B3GALT1: variants seen among roughly 807,000 people sequenced by gnomAD.
The protein encoded by B3GALT1 is beta-1,3-galactosyltransferase 1.
A neutral mutation model predicts 23.2 loss-of-function variants in B3GALT1; 10 were observed. The ratio of observed to expected loss-of-function variants is 0.43; its 90% confidence interval spans 0.27 to 0.73. The LOEUF is 0.73. B3GALT1 is among the 30% of genes least tolerant of loss of function. B3GALT1 has a pLI of 0.21. For synonymous variants in B3GALT1, 156 were observed against 141.5 expected, an observed-to-expected ratio of 1.10 and a Z score of -0.73; for missense variants, 299 against 405.4, an observed-to-expected ratio of 0.74 and a Z score of 2.25.
intron 1 of B3GALT1, among the ~76,000 whole-genome samples, chr2:167,444,261 T>A (rs377727830): frequency 1.1e-4 from 17 of 152,290 alleles, no homozygotes; most frequent in Admixed American, 1.1e-3. Context: ...CTGCTGGATT[T>A]GGTTTGCCAC....
chr2:167,705,942 AT>A (rs1379609103), intron 3 of B3GALT1, among the ~76,000 whole-genome samples: 1 of 152,180 alleles, frequency 6.6e-6, no homozygotes, highest in Non-Finnish European at 1.5e-5. Context: ...CACTTTCATC[AT>A]TGCAGAAATT....
At chr2:167,432,260 A>T (rs1698717637) in intron 1 of B3GALT1, among the ~76,000 whole-genome samples, 1 of 152,200 alleles carries the variant, frequency 6.6e-6, no homozygotes, top group Non-Finnish European at 1.5e-5. Context: ...TCCAAGATGA[A>T]ATAGAATTGG....
At chr2:167,395,795 T>A in intron 1 of B3GALT1, among the ~76,000 whole-genome samples, 1 of 152,048 alleles carries the variant, frequency 6.6e-6, no homozygotes, top group East Asian at 1.9e-4. Context: ...GAAAAAAAAA[T>A]CAAATACAAA....
chr2:167,812,985 C>A (rs1440819662), intron 3 of B3GALT1, among the ~76,000 whole-genome samples: 1 of 103,244 alleles, frequency 9.7e-6, no homozygotes, highest in Non-Finnish European at 1.7e-5. Context: ...ACACGCACCA[C>A]CACCACCCCC....
At chr2:167,425,270 C>T (rs972352134) in intron 1 of B3GALT1, among the ~76,000 whole-genome samples, 8 of 152,218 alleles carry the variant, frequency 5.3e-5, no homozygotes, top group Admixed American at 4.6e-4. Context: ...TGCCGCTTAC[C>T]GCTTTAATGT....
At chr2:167,472,421 TC>T (rs1699429975) in intron 1 of B3GALT1, among the ~76,000 whole-genome samples, 1 of 152,092 alleles carries the variant, frequency 6.6e-6, no homozygotes, top group Non-Finnish European at 1.5e-5. Context: ...ACCAACACCT[TC>T]CCAATTCATA....
intron 1 of B3GALT1, among the ~76,000 whole-genome samples, chr2:167,489,602 C>G (rs1384314240): frequency 6.6e-6 from 1 of 152,166 alleles, no homozygotes; most frequent in African/African-American, 2.4e-5. Context: ...ATAGAACATG[C>G]TGGCAGAACA....
intron 1 of B3GALT1, among the ~76,000 whole-genome samples, chr2:167,442,800 G>A (rs1361400036): frequency 2.9e-3 from 424 of 146,056 alleles, no homozygotes; most frequent in African/African-American, 0.01. Flanking sequence ...AGTAGGTTGC[G>A]AAAATTTTCT....
intron 3 of B3GALT1, among the ~76,000 whole-genome samples, chr2:167,656,515 GA>G (rs1373900901): frequency 3.3e-5 from 5 of 152,042 alleles, no homozygotes; most frequent in African/African-American, 4.8e-5. Context: ...GCATTTTCCT[GA>G]AAACTCTAAG....
At chr2:167,667,089 T>C (rs1309074738) in intron 3 of B3GALT1, among the ~76,000 whole-genome samples, 1 of 152,150 alleles carries the variant, frequency 6.6e-6, no homozygotes, top group African/African-American at 2.4e-5. Flanking sequence ...CGGCTGGTAC[T>C]GGTTGTTCCC....
chr2:167,691,049 A>G (rs1686703366), intron 3 of B3GALT1, among the ~76,000 whole-genome samples: 1 of 152,184 alleles, frequency 6.6e-6, no homozygotes, highest in African/African-American at 2.4e-5. Flanking sequence ...AATATACAAA[A>G]TACCAGAACA....
rs1015572704 is a variant in B3GALT1, at chr2:167,722,747, A to G, written c.-352+75781A>G. Among the ~76,000 whole-genome samples the G allele has an allele frequency of 1.3e-5, 2 of 152,206 alleles. 1 individual carries two copies. Among genetic ancestry groups the G allele is most frequent in the Admixed American group, 1.3e-4 (2 of 15,284 alleles). On this transcript the variant is annotated intron_variant, in intron 3 of 4. Coordinates refer to ENST00000392690, the MANE Select transcript of B3GALT1 (RefSeq NM_020981.4). ...ATGCTTTAGGAAAGATTTGTTTAGA[A>G]TTGGACAAAAATCAGAAGTAGTAAA...
intron 3 of B3GALT1, among the ~76,000 whole-genome samples, chr2:167,800,975 C>T (rs1688629462): frequency 6.6e-6 from 1 of 152,186 alleles, no homozygotes; most frequent in Non-Finnish European, 1.5e-5. Flanking sequence ...TTCAAAAGAG[C>T]CACTCAGTGA....
At chr2:167,629,444 T>C (rs1007715091) in intron 2 of B3GALT1, among the ~76,000 whole-genome samples, 6 of 151,746 alleles carry the variant, frequency 4.0e-5, no homozygotes, top group Non-Finnish European at 7.4e-5. Context: ...ACTGTTTTAT[T>C]TCTCATCATG....
chr2:167,534,569 T>C (rs1683383683), intron 2 of B3GALT1, among the ~76,000 whole-genome samples: 1 of 152,160 alleles, frequency 6.6e-6, no homozygotes, highest in African/African-American at 2.4e-5. Flanking sequence ...TTTTTCTAAA[T>C]TAGGATGTTT....
intron 2 of B3GALT1, among the ~76,000 whole-genome samples, chr2:167,553,902 T>C (rs747702638): frequency 1.6e-4 from 25 of 152,124 alleles, no homozygotes; most frequent in Non-Finnish European, 2.9e-4. Flanking sequence ...AGGACAGAAA[T>C]GAGAGGCATA....
At chr2:167,453,263 C>T (rs1417292874) in intron 1 of B3GALT1, among the ~76,000 whole-genome samples, 1 of 152,162 alleles carries the variant, frequency 6.6e-6, no homozygotes, top group Non-Finnish European at 1.5e-5. Context: ...GGACCCTTTG[C>T]CAATGGATAT....
At chr2:167,607,942 A>G (rs955048072) in intron 2 of B3GALT1, among the ~76,000 whole-genome samples, 27 of 152,118 alleles carry the variant, frequency 1.8e-4, no homozygotes, top group African/African-American at 6.0e-4. Flanking sequence ...GCTTAGTGCA[A>G]TTATCCTTCC....
chr2:167,620,857 G>A (rs1031312514), intron 2 of B3GALT1, among the ~76,000 whole-genome samples: 26 of 152,016 alleles, frequency 1.7e-4, no homozygotes, highest in Middle Eastern at 3.4e-3. Flanking sequence ...TTATCTGTCA[G>A]AAAATGTCTT....
Sources: allele counts gnomAD v4.1 joint callset (sites outside exome capture counted in the v4.1 genomes callset), GRCh38; gene constraint gnomAD v4.1.1; transcripts MANE v1.5; gene names NCBI Gene and HGNC (gene_info 2026-07-23, HGNC 2026-07-21).